Variants in CFAP20DC observed in about 807,000 individuals in gnomAD.
CFAP20DC encodes the protein CFAP20 domain containing.
In CFAP20DC, 84 loss-of-function variants were observed where a neutral mutation model predicts 101.7. That is an observed-to-expected ratio of 0.83 (90% CI 0.69 to 0.99). The LOEUF (loss-of-function observed/expected upper bound fraction) is 0.99, where lower values mean the gene tolerates loss of function less well. CFAP20DC is among the 50% of genes least tolerant of loss of function. The pLI is 0.00. For synonymous variants in CFAP20DC, 359 were observed against 351.2 expected (o/e 1.02, Z -0.25); for missense variants, 1,007 against 970.3 (o/e 1.04, Z -0.50).
intron 6 of CFAP20DC, among the ~76,000 whole-genome samples, chr3:58,890,394 C>T (rs1239463246): frequency 5.1e-5 from 7 of 136,844 alleles, no homozygotes; most frequent in South Asian, 4.7e-4. Context: ...CGGGCAGAGG[C>T]GCCCCTCACC....
chr3:59,014,698 C>T lies in CFAP20DC; in HGVS notation c.278+24859G>A, dbSNP rs778385467. 8.5e-5 allele frequency among the ~76,000 whole-genome samples: 13 copies of T among 152,194 alleles called. No individual in the cohort carries two copies. Among genetic ancestry groups the T allele is most frequent in the South Asian group, 4.1e-4 (2 of 4,822 alleles). ...GAAGTGAGAGTAATTTATTTACTAA[C>T]GGCTAACCCTCAATTATCTGCATTA... is the stretch of plus-strand genomic sequence containing the variant. On this transcript the variant is annotated intron_variant, in intron 4 of 16. Coordinates refer to ENST00000482387, the MANE Select transcript of CFAP20DC (RefSeq NM_001394063.1). This position sits in a 1 kb window ranked among gnomAD's most constrained non-coding sequence, Gnocchi z 4.9.
chr3:58,805,529 C>T (rs923138812), intron 15 of CFAP20DC, among the ~76,000 whole-genome samples: 1 of 152,192 alleles, frequency 6.6e-6, no homozygotes, highest in Non-Finnish European at 1.5e-5. Flanking sequence ...AGTCTTAATT[C>T]AGACACCATG....
chr3:58,741,960 T>C, downstream of CFAP20DC: 2 of 469,496 alleles, frequency 4.3e-6, no homozygotes, highest in Non-Finnish European at 5.6e-6. Flanking sequence ...TATAGGAATA[T>C]TCTGGAAAAG....
chr3:58,767,479 T>C (rs2070426767), intron 15 of CFAP20DC, among the ~76,000 whole-genome samples: 1 of 152,224 alleles, frequency 6.6e-6, no homozygotes, highest in African/African-American at 2.4e-5. Flanking sequence ...ATAGCATTTC[T>C]TCATAGAATT....
intron 4 of CFAP20DC, among the ~76,000 whole-genome samples, chr3:58,997,884 G>A (rs2093186195): frequency 1.3e-5 from 2 of 152,092 alleles, no homozygotes; most frequent in South Asian, 4.1e-4. Flanking sequence ...TGGGGAGTGG[G>A]TATAGGGGGG....
chr3:58,926,738 G>A (rs999639225), intron 5 of CFAP20DC, among the ~76,000 whole-genome samples: 1 of 152,112 alleles, frequency 6.6e-6, no homozygotes, highest in Non-Finnish European at 1.5e-5. Context: ...TCAGAGCTGT[G>A]GTTCAAGATG....
At chr3:58,943,296 G>T (rs2088887841) in intron 4 of CFAP20DC, among the ~76,000 whole-genome samples, 1 of 152,198 alleles carries the variant, frequency 6.6e-6, no homozygotes. Context: ...CCCAGCAGGG[G>T]TCAATAGACA....
intron 15 of CFAP20DC, among the ~76,000 whole-genome samples, chr3:58,805,226 C>A (rs1269949869): frequency 6.6e-6 from 1 of 152,172 alleles, no homozygotes; most frequent in Non-Finnish European, 1.5e-5. Flanking sequence ...AACTCAAGAG[C>A]TGTCAAATGG....
intron 4 of CFAP20DC, among the ~76,000 whole-genome samples, chr3:58,955,395 G>A (rs2108122186): frequency 6.6e-6 from 1 of 152,236 alleles, no homozygotes; most frequent in Non-Finnish European, 1.5e-5. Flanking sequence ...CAGTATTTCT[G>A]TGTGTCAGGT....
At chr3:58,765,616 C>T (rs962517101) in intron 15 of CFAP20DC, among the ~76,000 whole-genome samples, 9 of 151,410 alleles carry the variant, frequency 5.9e-5, no homozygotes, top group African/African-American at 1.2e-4. Context: ...AATTATTTGG[C>T]GTAGTCACTA....
intron 4 of CFAP20DC, among the ~76,000 whole-genome samples, chr3:58,999,215 G>A (rs747162777): frequency 1.8e-4 from 27 of 152,202 alleles, no homozygotes; most frequent in Non-Finnish European, 3.2e-4. Context: ...AAGGTCAGTG[G>A]AACATATGCT....
chr3:58,716,458 C>A (rs532734572), downstream of CFAP20DC, among the ~76,000 whole-genome samples: 73 of 152,014 alleles, frequency 4.8e-4, no homozygotes, highest in Non-Finnish European at 7.9e-4. Context: ...CCACCGCGCC[C>A]GGCCTGCAGT....
rs147631913 is a variant in CFAP20DC at position 59,001,907 on chromosome 3, CAT to C, written c.278+37648_278+37649del. On this transcript the variant is annotated intron_variant, in intron 4 of 16. Transcript: ENST00000482387. The surrounding 1 kb of genome is among the most constrained non-coding windows in gnomAD (Gnocchi z 4.5). ...CTTGAGCGGAAGGACAAAAACGTGA[CAT>C]GTGGTAAAGAAGAGATTCCAAAACA... is the stretch of plus-strand genomic sequence containing the variant. 2.8e-3 allele frequency among the ~76,000 whole-genome samples: 428 copies of C among 152,204 alleles called. 1 individual carries two copies. The highest frequency in any genetic ancestry group is 9.6e-3 in the African/African-American group (398 of 41,512).
chr3:58,856,611 T>C (rs986833667), intron 12 of CFAP20DC, among the ~76,000 whole-genome samples: 3 of 152,188 alleles, frequency 2.0e-5, no homozygotes, highest in Non-Finnish European at 4.4e-5. Flanking sequence ...CTCGAAAGAC[T>C]GTCAGAGCTA....
intron 6 of CFAP20DC, among the ~76,000 whole-genome samples, chr3:58,890,794 G>A (rs1393462811): frequency 1.4e-5 from 2 of 147,520 alleles, no homozygotes; most frequent in Non-Finnish European, 3.0e-5. Context: ...ATGGGGCGGC[G>A]GGGCAGAGGC....
At chr3:59,039,424 G>C (rs2094158579) in intron 4 of CFAP20DC, 133 bp downstream of exon 4, 1 of 585,388 alleles carries the variant, frequency 1.7e-6, no homozygotes, top group African/African-American at 2.0e-5. Flanking sequence ...TTAATTACTT[G>C]ATGTTGACTT....
In CFAP20DC at chr3:58,905,233, C is replaced by G. The variant is rs187008413; in HGVS notation, c.550+8475G>C. On this transcript the variant is annotated intron_variant, in intron 6 of 16. Coordinates refer to ENST00000482387, the MANE Select transcript of CFAP20DC (RefSeq NM_001394063.1). ...GGATCATCATTTGATCTTCTCTCTTCTCATTTCTCTCCTCTGTCTTCCTTT... is the reference window on the plus strand; with the variant it reads ...GGATCATCATTTGATCTTCTCTCTTGTCATTTCTCTCCTCTGTCTTCCTTT... 5.9e-5 allele frequency among the ~76,000 whole-genome samples: 9 copies of G among 152,260 alleles called. No individual in the cohort carries two copies. In the East Asian group the frequency reaches 1.7e-3, roughly 29 times the overall value.
In CFAP20DC at chr3:58,759,124, C is replaced by A. The variant is rs553866368; in HGVS notation, c.2238-5261G>T. 6.8e-4 allele frequency among the ~76,000 whole-genome samples: 103 copies of A among 152,236 alleles called. No individual in the cohort carries two copies. The Middle Eastern group carries it at 0.01, about 15-fold the overall frequency. On this transcript the variant is annotated intron_variant, in intron 15 of 16. Coordinates refer to ENST00000482387, the MANE Select transcript of CFAP20DC (RefSeq NM_001394063.1). The stretch of plus-strand genomic sequence containing the variant: ...TGAGGAATCGCCACACTGACTTCCA[C>A]AATGGTTGAACTAGTTTACAGTCCC...
chr3:58,766,413 C>T (rs2070316814), intron 15 of CFAP20DC, among the ~76,000 whole-genome samples: 1 of 152,184 alleles, frequency 6.6e-6, no homozygotes, highest in Non-Finnish European at 1.5e-5. Flanking sequence ...ACCTTTCTCA[C>T]CATCTCCCCT....
Sources: gnomAD v4.1 joint callset for allele counts (sites outside exome capture counted in the v4.1 genomes callset) on GRCh38, gnomAD v4.1.1 for gene constraint, Gnocchi (gnomAD v3.1) non-coding constraint, MANE v1.5 for transcripts, NCBI Gene and HGNC (gene_info 2026-07-23, HGNC 2026-07-21) for gene names.